Variants in UBE2G2 observed in about 807,000 individuals in gnomAD.
UBE2G2 encodes ubiquitin-conjugating enzyme E2 G2.
UBE2G2 carries 10 observed loss-of-function variants against 23.0 expected under a neutral mutation model. That is an observed-to-expected ratio of 0.43 (90% CI 0.27 to 0.74). UBE2G2 has a LOEUF of 0.74. Ranked by LOEUF, UBE2G2 falls within the 30% of genes least tolerant of loss-of-function variation. The probability of loss-of-function intolerance (pLI) is 0.19; values close to 1 mark genes in which losing one functional copy is unlikely to be tolerated. For synonymous variants in UBE2G2, 86 were observed against 81.3 expected (o/e 1.06, Z -0.31); for missense variants, 150 against 218.3 (o/e 0.69, Z 1.97).
chr21:44,773,886 G>GACAGGCTCCAGGCTGACCCAGCCAGTTCT, intron 4 of UBE2G2, 199 bp from the exon 5 acceptor site: 1 of 661,522 alleles, frequency 1.5e-6, no homozygotes, highest in Non-Finnish European at 2.4e-6. Flanking sequence ...CTCACTCACT[G>GACAGGCTCCAGGCTGACCCAGCCAGTTCT]ACAGGCTCCA....
intron 3 of UBE2G2, among the ~76,000 whole-genome samples, chr21:44,787,493 G>T (rs2083005032): frequency 1.3e-5 from 2 of 152,198 alleles, no homozygotes; most frequent in African/African-American, 4.8e-5. Context: ...CAAAGGCAGG[G>T]CAGGCAAGGC....
At chr21:44,793,011 T>C (rs1555963144) in intron 1 of UBE2G2, among the ~76,000 whole-genome samples, 2 of 152,274 alleles carry the variant, frequency 1.3e-5, no homozygotes, top group East Asian at 3.8e-4. Context: ...CACACCCTGA[T>C]GTTCTCCCTT....
In UBE2G2 at chr21:44,770,452, C is replaced by G. The variant is rs2082864377; in HGVS notation, c.*925G>C. On this transcript the variant is annotated 3_prime_UTR_variant, in exon 6 of 6. Transcript: ENST00000345496. Reference sequence around the variant, plus strand: ...TTTCTTTTTGAGACTGAGTCTCGCTCTGTTGCCCAGGCTGGAGTGCAGTGG... The same window carrying G: ...TTTCTTTTTGAGACTGAGTCTCGCTGTGTTGCCCAGGCTGGAGTGCAGTGG... The G allele has an allele frequency of 6.6e-6, 1 of 152,250 alleles. No homozygotes were observed. The highest frequency in any genetic ancestry group is 2.1e-4 in the South Asian group (1 of 4,836). The allele number at this position is 152,250 out of a possible 1,614,324, so 9.4% of individuals were successfully genotyped here. A position where few individuals can be genotyped will look rare whatever the true frequency, so the allele number is the denominator to read the frequency against.
chr21:44,787,115 AAAAG>A (rs2083002648), intron 3 of UBE2G2, among the ~76,000 whole-genome samples: 1 of 152,138 alleles, frequency 6.6e-6, no homozygotes, highest in Non-Finnish European at 1.5e-5. Context: ...GAAAGAAAGA[AAAAG>A]AAAAGAAAGA....
intron 1 of UBE2G2, among the ~76,000 whole-genome samples, chr21:44,791,413 T>C (rs1439248709): frequency 6.6e-6 from 1 of 152,150 alleles, no homozygotes; most frequent in Non-Finnish European, 1.5e-5. Flanking sequence ...GCCTTGGTAC[T>C]TGGTGCCCTG....
intron 1 of UBE2G2, among the ~76,000 whole-genome samples, chr21:44,794,197 C>T (rs1246948331): frequency 6.6e-6 from 1 of 152,218 alleles, no homozygotes; most frequent in Non-Finnish European, 1.5e-5. Context: ...TTCCAGCCTC[C>T]AGGACTATGA....
intron 1 of UBE2G2, chr21:44,801,136 TC>T (rs1467080968): frequency 5.7e-6 from 1 of 174,020 alleles, no homozygotes; most frequent in Admixed American, 6.5e-5. Flanking sequence ...TTCTCATTTC[TC>T]CCTTCGCTCT....
intron 3 of UBE2G2, among the ~76,000 whole-genome samples, chr21:44,784,591 T>C (rs539682422): frequency 6.6e-6 from 1 of 152,248 alleles, no homozygotes; most frequent in South Asian, 2.1e-4. Flanking sequence ...CCTGTGACAG[T>C]CTTCAGTCAA....
rs920487372 is a variant in UBE2G2 at position 44,772,968 on chromosome 21, G to A, written c.385+579C>T. 5.9e-5 allele frequency among the ~76,000 whole-genome samples: 9 copies of A among 152,192 alleles called. No individual in the cohort carries two copies. Among genetic ancestry groups the A allele is most frequent in the Admixed American group, 2.0e-4 (3 of 15,282 alleles). On this transcript the variant is annotated intron_variant, in intron 5 of 5. Coordinates refer to ENST00000345496, the MANE Select transcript of UBE2G2 (RefSeq NM_003343.6). This position sits in a 1 kb window ranked among gnomAD's most constrained non-coding sequence, Gnocchi z 5.4. The stretch of plus-strand genomic sequence containing the variant: ...CTGCAGCCTTGGCTCCAGCCAAAAT[G>A]AGCTGGCAGTGCCCCCATCAAGTCA...
At position 44,801,769 on chromosome 21, in the gene UBE2G2, G is replaced by T; in HGVS notation, c.-21C>A. 2 of 1,512,632 alleles carry T rather than the reference G, an allele frequency of 1.3e-6. No homozygotes were observed. The highest frequency in any genetic ancestry group is 1.4e-5 in the African/African-American group (1 of 68,990). 93.7% of individuals were successfully genotyped at this position (1,512,632 alleles called of 1,614,324 possible). On this transcript the variant is annotated 5_prime_UTR_variant, in exon 1 of 6. Coordinates refer to ENST00000345496, the MANE Select transcript of UBE2G2 (RefSeq NM_003343.6). ...GCCATGGCCCCGCAACAGCTGCGCC[G>T]AGCGACCTCGCCTCAGCCGCGCGCG... is the stretch of plus-strand genomic sequence containing the variant.
chr21:44,795,037 G>A (rs2083075127), intron 1 of UBE2G2, among the ~76,000 whole-genome samples: 1 of 151,876 alleles, frequency 6.6e-6, no homozygotes, highest in Admixed American at 6.6e-5. Flanking sequence ...GGGAGGCGAG[G>A]CAAACTCCTG....
At chr21:44,788,938 T>C (rs2146398525) in intron 1 of UBE2G2, among the ~76,000 whole-genome samples, 1 of 152,186 alleles carries the variant, frequency 6.6e-6, no homozygotes, top group African/African-American at 2.4e-5. Flanking sequence ...ACAGATGCTA[T>C]GTCCATATAT....
intron 3 of UBE2G2, 102 bp downstream of exon 3, chr21:44,787,818 T>C (rs1009401008): frequency 9.4e-6 from 13 of 1,381,616 alleles, no homozygotes; most frequent in Non-Finnish European, 9.9e-6. Flanking sequence ...ACTCAGTCTT[T>C]TTTCCAGCTG....
Position 44,801,772 on chromosome 21 carries a change from C to T in UBE2G2, c.-24G>A, listed in dbSNP as rs371198049. The T allele has an allele frequency of 6.6e-7, 1 of 1,511,204 alleles. No homozygotes were observed. Among genetic ancestry groups the T allele is most frequent in the Non-Finnish European group, 8.8e-7 (1 of 1,132,654 alleles). 93.6% of individuals were successfully genotyped at this position (1,511,204 alleles called of 1,614,324 possible). On this transcript the variant is annotated 5_prime_UTR_variant, in exon 1 of 6. Transcript: ENST00000345496. ...ATGGCCCCGCAACAGCTGCGCCGAG[C>T]GACCTCGCCTCAGCCGCGCGCGTGC...
intron 3 of UBE2G2, among the ~76,000 whole-genome samples, chr21:44,784,176 G>T (rs1243180483): frequency 6.6e-6 from 1 of 151,898 alleles, no homozygotes. Context: ...GGAGGGGAGG[G>T]GAGGGGAGGG....
In UBE2G2 at chr21:44,801,777, T is replaced by C. The variant is rs1456761796; in HGVS notation, c.-29A>G. On this transcript the variant is annotated 5_prime_UTR_variant, in exon 1 of 6. Coordinates refer to ENST00000345496, the MANE Select transcript of UBE2G2 (RefSeq NM_003343.6). The stretch of plus-strand genomic sequence containing the variant: ...CCCGCAACAGCTGCGCCGAGCGACC[T>C]CGCCTCAGCCGCGCGCGTGCCTCCT... The C allele has an allele frequency of 8.6e-6, 13 of 1,508,628 alleles. No individual in the cohort carries two copies. The African/African-American group carries it at 8.7e-5, about 10-fold the overall frequency. The allele number at this position is 1,508,628 out of a possible 1,614,324, so 93.5% of individuals were successfully genotyped here.
chr21:44,782,665 G>T (rs1555961471), intron 3 of UBE2G2, among the ~76,000 whole-genome samples: 1 of 152,172 alleles, frequency 6.6e-6, no homozygotes, highest in East Asian at 1.9e-4. Flanking sequence ...TTTGACAAAG[G>T]TGCCAAAATT....
At chr21:44,788,415 A>G (rs1343616160) in intron 1 of UBE2G2, among the ~76,000 whole-genome samples, 4 of 148,940 alleles carry the variant, frequency 2.7e-5, no homozygotes, top group African/African-American at 9.9e-5. Context: ...TCAGCCTCCC[A>G]AGTAGCTGGG....
At chr21:44,773,030 T>C (rs1555960123) in intron 5 of UBE2G2, among the ~76,000 whole-genome samples, 1 of 152,130 alleles carries the variant, frequency 6.6e-6, no homozygotes, top group African/African-American at 2.4e-5. Context: ...CCAGGCTGCT[T>C]CCTTTGCCCC....
Sources: allele counts gnomAD v4.1 joint callset (sites outside exome capture counted in the v4.1 genomes callset), GRCh38; gene constraint gnomAD v4.1.1; non-coding constraint Gnocchi (gnomAD v3.1); transcripts MANE v1.5; gene names NCBI Gene and HGNC (gene_info 2026-07-23, HGNC 2026-07-21).